Variants in ABCB11 observed in about 807,000 individuals in gnomAD.
ABCB11 encodes bile salt export pump.
Under a neutral mutation model 148.0 loss-of-function variants are expected in ABCB11, and 95 were observed. The ratio of observed to expected loss-of-function variants is 0.64; its 90% CI spans 0.54 to 0.76. ABCB11 has a LOEUF of 0.76. ABCB11 is among the 30% of genes least tolerant of loss of function. The pLI is 0.00. For synonymous variants in ABCB11, 591 were observed against 555.4 expected, an observed-to-expected ratio of 1.06 and a Z score of -0.90; for missense variants, 1,523 against 1,617.8, an observed-to-expected ratio of 0.94 and a Z score of 1.01.
At chr2:168,951,037 C>A (rs1192684119) in intron 19 of ABCB11, among the ~76,000 whole-genome samples, 1 of 151,512 alleles carries the variant, frequency 6.6e-6, no homozygotes, top group African/African-American at 2.4e-5. Context: ...TAGGGTGTCA[C>A]TTCTTCAATG....
intron 5 of ABCB11, among the ~76,000 whole-genome samples, chr2:169,002,502 T>G (rs776107624): frequency 2.6e-5 from 4 of 152,184 alleles, no homozygotes; most frequent in Non-Finnish European, 5.9e-5. Flanking sequence ...TACGCTCCCA[T>G]GCACACTGCA....
intron 21 of ABCB11, 55 bp from the exon 22 acceptor site, chr2:168,936,488 TACCA>T: frequency 6.5e-7 from 1 of 1,543,392 alleles, no homozygotes; most frequent in Admixed American, 1.7e-5. Flanking sequence ...TTTTACCAAT[TACCA>T]TTACACAAAA....
intron 14 of ABCB11, 179 bp from the exon 15 acceptor site, chr2:168,970,394 T>A (rs1234542710): frequency 1.3e-6 from 2 of 1,482,350 alleles, no homozygotes; most frequent in Admixed American, 4.0e-5. Flanking sequence ...AATATTTATG[T>A]GTGAAATAAA....
intron 13 of ABCB11, among the ~76,000 whole-genome samples, chr2:168,972,977 A>G (rs999632787): frequency 2.0e-5 from 3 of 152,052 alleles, no homozygotes; most frequent in African/African-American, 7.2e-5. Context: ...AATCATTTTA[A>G]TAAAGTATCT....
chr2:168,941,878 G>A (rs1692077664), intron 21 of ABCB11, among the ~76,000 whole-genome samples: 1 of 152,024 alleles, frequency 6.6e-6, no homozygotes, highest in Non-Finnish European at 1.5e-5. Flanking sequence ...CTATTGCATA[G>A]TTAGTAGAAT....
intron 18 of ABCB11, among the ~76,000 whole-genome samples, chr2:168,962,729 C>T (rs1193103079): frequency 6.6e-6 from 1 of 151,670 alleles, no homozygotes; most frequent in Non-Finnish European, 1.5e-5. Flanking sequence ...AACTCCTGCT[C>T]TTATATAATA....
chr2:168,972,170 A>G, intron 13 of ABCB11, 120 bp from the exon 14 acceptor site: 2 of 830,252 alleles, frequency 2.4e-6, no homozygotes, highest in South Asian at 1.7e-5. Flanking sequence ...TCTAATGGAA[A>G]CAATTCCTCT....
At chr2:168,996,467 A>C (rs989563036) in intron 6 of ABCB11, among the ~76,000 whole-genome samples, 168 bp downstream of exon 6, 1 of 151,994 alleles carries the variant, frequency 6.6e-6, no homozygotes, top group Non-Finnish European at 1.5e-5. Context: ...TATCCTCCTA[A>C]GTTTCCATCT....
intron 5 of ABCB11, among the ~76,000 whole-genome samples, 193 bp from the exon 6 acceptor site, chr2:168,996,915 A>G (rs73020760): frequency 0.024 from 3,576 of 151,068 alleles, 66 homozygotes; most frequent in African/African-American, 0.041. Flanking sequence ...ATTATAATAA[A>G]TCCAACCAAA....
At chr2:168,970,413 T>C (rs1026614879) in intron 14 of ABCB11, 198 bp from the exon 15 acceptor site, 13 of 1,403,660 alleles carry the variant, frequency 9.3e-6, no homozygotes, top group Admixed American at 8.0e-5. Flanking sequence ...AAGGAATTGA[T>C]TTATGCTTTT....
At chr2:168,970,446 G>A in intron 14 of ABCB11, 3 of 1,181,796 alleles carry the variant, frequency 2.5e-6, no homozygotes, top group Non-Finnish European at 3.5e-6. Flanking sequence ...ACTGGGCTGT[G>A]TAAATATTCC....
At chr2:168,981,285 G>A (rs1365969387) in intron 10 of ABCB11, among the ~76,000 whole-genome samples, 1 of 152,106 alleles carries the variant, frequency 6.6e-6, no homozygotes, top group African/African-American at 2.4e-5. Context: ...CCATACATGG[G>A]TGGTGGGTTA....
Position 169,014,304 on chromosome 2 carries a change from A to C in ABCB11, c.149T>G (p.Leu50Trp). ...CATAAATCAACACAGTTTTATTACC[A>C]ATTGAAAGAAGCCAACTCTAACGCC... ...GDGVRVGFFQ[L>W]FRFSSSTDIW... The change falls in exon 4 of 28, where the codon TTG becomes TGG. Residue 50 changes from leucine (L) to tryptophan (W), a missense_variant and splice_region_variant. Transcript: ENST00000650372. The C allele has an allele frequency of 6.2e-7, 1 of 1,612,936 alleles. No individual in the cohort carries two copies. Among genetic ancestry groups the C allele is most frequent in the South Asian group, 1.1e-5 (1 of 91,064 alleles).
At chr2:169,024,922 G>A (rs1452366321) in intron 1 of ABCB11, among the ~76,000 whole-genome samples, 1 of 152,028 alleles carries the variant, frequency 6.6e-6, no homozygotes, top group Non-Finnish European at 1.5e-5. Flanking sequence ...CAGATTCAAA[G>A]TTATTTTATT....
intron 17 of ABCB11, among the ~76,000 whole-genome samples, chr2:168,967,593 G>A (rs1693374192): frequency 6.6e-6 from 1 of 151,730 alleles, no homozygotes; most frequent in African/African-American, 2.4e-5. Flanking sequence ...TTATCTCTGC[G>A]ACTTTGCACA....
chr2:168,937,919 G>A (rs767943577), intron 21 of ABCB11, among the ~76,000 whole-genome samples: 4 of 152,070 alleles, frequency 2.6e-5, no homozygotes, highest in African/African-American at 4.8e-5. Flanking sequence ...GTTCCAAATC[G>A]TCGTTTCAGT....
intron 10 of ABCB11, 26 bp from the exon 11 acceptor site, chr2:168,980,005 C>A: frequency 6.9e-7 from 1 of 1,440,528 alleles, no homozygotes; most frequent in South Asian, 1.2e-5. Flanking sequence ...AGAGATTTTT[C>A]ATGTGTTTTT....
intron 17 of ABCB11, among the ~76,000 whole-genome samples, chr2:168,968,178 T>C (rs1284038785): frequency 6.6e-6 from 1 of 151,870 alleles, no homozygotes; most frequent in Non-Finnish European, 1.5e-5. Context: ...ACAACAATTT[T>C]AACCATAAAG....
chr2:168,947,602 C>T (rs901065186), intron 19 of ABCB11, among the ~76,000 whole-genome samples: 26 of 151,712 alleles, frequency 1.7e-4, no homozygotes, highest in African/African-American at 5.8e-4. Flanking sequence ...AATAGAGCAA[C>T]TATAAATAGA....
Sources: allele counts gnomAD v4.1 joint callset (sites outside exome capture counted in the v4.1 genomes callset), GRCh38; gene constraint gnomAD v4.1.1; transcripts MANE v1.5; gene names NCBI Gene and HGNC (gene_info 2026-07-23, HGNC 2026-07-21).